Variants in MAP3K4 observed in about 807,000 individuals in gnomAD.
MAP3K4 encodes the protein mitogen-activated protein kinase kinase kinase 4, also known as MAP three kinase 1.
A neutral mutation model predicts 185.6 loss-of-function variants in MAP3K4; 67 were observed. That is an observed-to-expected ratio of 0.36 (90% CI 0.30 to 0.44). The LOEUF is 0.44. Ranked by LOEUF, MAP3K4 falls within the 20% of genes least tolerant of loss-of-function variation. MAP3K4 has a pLI of 1.00. For synonymous variants in MAP3K4, 702 were observed against 710.4 expected (o/e 0.99, Z 0.19); for missense variants, 1,551 against 1,995.1 (o/e 0.78, Z 4.24).
Position 161,097,263 on chromosome 6 carries a change from T to C in MAP3K4, c.3524+87T>C, listed in dbSNP as rs1777614998. ...TTTTGAAACTACTAGATGCTTGCTC[T>C]GAGAGCTAAATACCTTTTCTGCATT... is the stretch of plus-strand genomic sequence containing the variant. On this transcript the variant is annotated intron_variant, in intron 16 of 26. Transcript: ENST00000392142. The surrounding 1 kb of genome is among the most constrained non-coding windows in gnomAD (Gnocchi z 4.9). 9.0e-7 allele frequency: 1 copy of C among 1,107,162 alleles called. No homozygotes were observed. Among genetic ancestry groups the C allele is most frequent in the Non-Finnish European group, 1.4e-6 (1 of 733,634 alleles). The allele number at this position is 1,107,162 out of a possible 1,614,324, so 68.6% of individuals were successfully genotyped here. A position where few individuals can be genotyped will look rare whatever the true frequency, so the allele number is the denominator to read the frequency against.
intron 1 of MAP3K4, among the ~76,000 whole-genome samples, chr6:161,012,776 A>T (rs1781909117): frequency 6.6e-6 from 1 of 152,230 alleles, no homozygotes; most frequent in African/African-American, 2.4e-5. Flanking sequence ...GATCACAGGA[A>T]TGATTAATTG....
chr6:161,054,391 A>G lies in MAP3K4; in HGVS notation c.1707+4412A>G, dbSNP rs193147473. ...GCTGGTCTCAAACTCCTGACCTCAC[A>G]TGATCCACCCGCCTTGGCCTCCCAA... On this transcript the variant is annotated intron_variant, in intron 3 of 26. Transcript: ENST00000392142. This position sits in a 1 kb window ranked among gnomAD's most constrained non-coding sequence, Gnocchi z 4.2. Among the ~76,000 whole-genome samples, 678 of 152,226 alleles carry G rather than the reference A, an allele frequency of 4.5e-3. 7 individuals are homozygous for G. The highest frequency in any genetic ancestry group is 5.0e-3 in the Non-Finnish European group (343 of 68,002).
rs148786576 is a variant in MAP3K4 at position 161,086,616 on chromosome 6, A to G, written c.2505A>G (p.Ser835=). The change falls in exon 9 of 27, where the codon TCA becomes TCG. Residue 835 remains serine, a synonymous_variant. Transcript: ENST00000392142. The surrounding 1 kb of genome is among the most constrained non-coding windows in gnomAD (Gnocchi z 4.8). ...AAATAGCAGCAGAATTCAGGCTTTCAGCCCCAGTTAGAGACCTCCTGGATG... is the reference window on the plus strand; with the variant it reads ...AAATAGCAGCAGAATTCAGGCTTTCGGCCCCAGTTAGAGACCTCCTGGATG... The part of the protein sequence containing the change: ...DLEIAAEFRL[S]APVRDLLDVL... The G allele has an allele frequency of 4.3e-6, 7 of 1,614,000 alleles. No individual in the cohort carries two copies. Among genetic ancestry groups the G allele is most frequent in the Non-Finnish European group, 5.9e-6 (7 of 1,180,014 alleles).
chr6:161,078,367 G>A (rs1408544367), intron 5 of MAP3K4, among the ~76,000 whole-genome samples: 1 of 152,210 alleles, frequency 6.6e-6, no homozygotes, highest in Non-Finnish European at 1.5e-5. Context: ...CAGGGTGCAG[G>A]CAGCAGCGGG....
Position 161,067,315 on chromosome 6 carries a change from G to T in MAP3K4, c.1708-3293G>T. ...GTCACAGGTAGGTAAGAGACAAAAC[G>T]TTACATTTTTTTGAATTTCTGATTA... On this transcript the variant is annotated intron_variant, in intron 3 of 26. Coordinates refer to ENST00000392142, the MANE Select transcript of MAP3K4 (RefSeq NM_005922.4). This position sits in a 1 kb window ranked among gnomAD's most constrained non-coding sequence, Gnocchi z 6.3. 2.5e-6 allele frequency: 1 copy of T among 403,318 alleles called. No homozygotes were observed. The highest frequency in any genetic ancestry group is 5.0e-6 in the Non-Finnish European group (1 of 201,898). The allele number at this position is 403,318 out of a possible 1,614,324, so 25.0% of individuals were successfully genotyped here.
chr6:161,049,996 T>G lies in MAP3K4; in HGVS notation c.1707+17T>G. 6.4e-7 allele frequency: 1 copy of G among 1,571,584 alleles called. No individual in the cohort carries two copies. The highest frequency in any genetic ancestry group is 1.2e-5 in the South Asian group (1 of 83,094). ...CCAGTGGAGGTAGGTTTCCAGTAGG[T>G]ATTAATACAATGATATCCTTAGTTC... is the stretch of plus-strand genomic sequence containing the variant. On this transcript the variant is annotated intron_variant, in intron 3 of 26. Transcript: ENST00000392142. The surrounding 1 kb of genome is among the most constrained non-coding windows in gnomAD (Gnocchi z 8.4).
In MAP3K4 at chr6:161,109,549, C is replaced by T. The variant is rs1778253425; in HGVS notation, c.4237-206C>T. Among the ~76,000 whole-genome samples, 2 of 152,120 alleles carry T rather than the reference C, an allele frequency of 1.3e-5. No homozygotes were observed. The highest frequency in any genetic ancestry group is 4.1e-4 in the South Asian group (2 of 4,822). On this transcript the variant is annotated intron_variant, in intron 22 of 26. Coordinates refer to ENST00000392142, the MANE Select transcript of MAP3K4 (RefSeq NM_005922.4). This position sits in a 1 kb window ranked among gnomAD's most constrained non-coding sequence, Gnocchi z 5.7. ...TCTTATCCCCAAGAGCTGTATAATTCCAGACAGAGGAGGCAGGCAGACACC... is the reference window on the plus strand; with the variant it reads ...TCTTATCCCCAAGAGCTGTATAATTTCAGACAGAGGAGGCAGGCAGACACC...
chr6:161,048,437 T>C lies in MAP3K4; in HGVS notation c.344-179T>C, dbSNP rs1280565657. On this transcript the variant is annotated intron_variant, in intron 2 of 26. Coordinates refer to ENST00000392142, the MANE Select transcript of MAP3K4 (RefSeq NM_005922.4). The surrounding 1 kb of genome is among the most constrained non-coding windows in gnomAD (Gnocchi z 4.7). ...AAAATGGATAATTTTTTTTAAAATA[T>C]AGAAAATGTCATATATATTTTTTGA... 1 of 601,180 alleles carries C rather than the reference T, an allele frequency of 1.7e-6. No individual in the cohort carries two copies. Among genetic ancestry groups the C allele is most frequent in the East Asian group, 3.0e-5 (1 of 33,734 alleles). 37.2% of individuals were successfully genotyped at this position (601,180 alleles called of 1,614,324 possible).
rs1430311324 is a variant in MAP3K4 at position 161,076,608 on chromosome 6, G to A, written c.2097+2996G>A. On this transcript the variant is annotated intron_variant, in intron 5 of 26. Coordinates refer to ENST00000392142, the MANE Select transcript of MAP3K4 (RefSeq NM_005922.4). This position sits in a 1 kb window ranked among gnomAD's most constrained non-coding sequence, Gnocchi z 4.2. ...GACAATAAACATAATAATACATGAT[G>A]TAGGAACATGTGACAGCCTTAAGGA... 2.0e-5 allele frequency among the ~76,000 whole-genome samples: 3 copies of A among 152,154 alleles called. No individual in the cohort carries two copies. Among genetic ancestry groups the A allele is most frequent in the Admixed American group, 6.5e-5 (1 of 15,282 alleles).
At chr6:161,041,340 T>C (rs1562499087) in intron 2 of MAP3K4, among the ~76,000 whole-genome samples, 2 of 152,096 alleles carry the variant, frequency 1.3e-5, no homozygotes, top group Non-Finnish European at 2.9e-5. Flanking sequence ...GGGGCTGGAG[T>C]GCAGGCTACT....
At chr6:161,081,395 T>C (rs1388870895) in intron 6 of MAP3K4, among the ~76,000 whole-genome samples, 2 of 152,106 alleles carry the variant, frequency 1.3e-5, no homozygotes, top group African/African-American at 4.8e-5. Context: ...ACTTCTGCCC[T>C]AGAATAAACT....
intron 15 of MAP3K4, among the ~76,000 whole-genome samples, 156 bp downstream of exon 15, chr6:161,094,007 G>A (rs1213739885): frequency 1.3e-5 from 2 of 152,050 alleles, no homozygotes; most frequent in Non-Finnish European, 2.9e-5. Context: ...TGTAGATAGA[G>A]AACTCCGCAG....
chr6:161,010,831 GTTAA>G (rs1175099272), intron 1 of MAP3K4, among the ~76,000 whole-genome samples: 3 of 152,194 alleles, frequency 2.0e-5, no homozygotes, highest in Non-Finnish European at 4.4e-5. Flanking sequence ...TTGAGTTAAG[GTTAA>G]TTAATTGAAG....
In MAP3K4 at chr6:161,109,010, C is replaced by G. The variant is rs1284829879; in HGVS notation, c.4236+151C>G. On this transcript the variant is annotated intron_variant, in intron 22 of 26. Coordinates refer to ENST00000392142, the MANE Select transcript of MAP3K4 (RefSeq NM_005922.4). This position sits in a 1 kb window ranked among gnomAD's most constrained non-coding sequence, Gnocchi z 5.7. ...CCATGAGTTACATCATTTCTGCCTT[C>G]TCTCTGAAACTAGAGGAGTTCCTCC... 3 of 1,581,524 alleles carry G rather than the reference C, an allele frequency of 1.9e-6. No individual in the cohort carries two copies. Among genetic ancestry groups the G allele is most frequent in the Non-Finnish European group, 2.6e-6 (3 of 1,167,640 alleles).
At chr6:161,081,314 C>T (rs1032926369) in intron 6 of MAP3K4, among the ~76,000 whole-genome samples, 4 of 151,918 alleles carry the variant, frequency 2.6e-5, no homozygotes, top group South Asian at 2.1e-4. Context: ...GGGAGGCTGC[C>T]GCACATTCAC....
At chr6:161,031,891 C>T (rs951569332) in intron 1 of MAP3K4, among the ~76,000 whole-genome samples, 17 of 152,188 alleles carry the variant, frequency 1.1e-4, no homozygotes, top group Admixed American at 1.1e-3. Flanking sequence ...CATTCCTCCT[C>T]ACCACAAAGG....
chr6:161,001,587 G>A (rs1284720847), intron 1 of MAP3K4, among the ~76,000 whole-genome samples: 4 of 152,120 alleles, frequency 2.6e-5, no homozygotes, highest in Admixed American at 1.3e-4. Flanking sequence ...CTGGGGCATC[G>A]TCTGTTGTTT....
chr6:161,081,067 C>T (rs371303434), intron 6 of MAP3K4, 29 bp downstream of exon 6: 19 of 1,607,388 alleles, frequency 1.2e-5, no homozygotes, highest in African/African-American at 4.0e-5. Context: ...CTGAACGCGA[C>T]GCTCCCACCT....
intron 1 of MAP3K4, among the ~76,000 whole-genome samples, chr6:161,012,067 C>T (rs1326019778): frequency 1.3e-5 from 2 of 152,206 alleles, no homozygotes; most frequent in African/African-American, 4.8e-5. Flanking sequence ...CCACGCATTT[C>T]GAGTCCACAT....
Sources: gnomAD v4.1 joint callset for allele counts (sites outside exome capture counted in the v4.1 genomes callset) on GRCh38, gnomAD v4.1.1 for gene constraint, Gnocchi (gnomAD v3.1) non-coding constraint, MANE v1.5 for transcripts, NCBI Gene and HGNC (gene_info 2026-07-23, HGNC 2026-07-21) for gene names.